PDZRN3: variants seen among roughly 807,000 people sequenced by gnomAD.
PDZRN3 encodes the protein E3 ubiquitin-protein ligase PDZRN3.
In PDZRN3, 38 loss-of-function variants were observed where a neutral mutation model predicts 85.7. The ratio of observed to expected loss-of-function variants is 0.44; its 90% CI spans 0.34 to 0.58. The LOEUF (loss-of-function observed/expected upper bound fraction) is 0.58, where lower values mean the gene tolerates loss of function less well. Ranked by LOEUF, PDZRN3 falls within the 20% of genes least tolerant of loss-of-function variation. PDZRN3 has a pLI of 0.01. For synonymous variants in PDZRN3, 759 were observed against 638.0 expected (o/e 1.19, Z -2.86); for missense variants, 1,629 against 1,506.4 (o/e 1.08, Z -1.35).
chr3:73,554,670 AAG>A (rs1187552326), intron 3 of PDZRN3, among the ~76,000 whole-genome samples: 1 of 152,216 alleles, frequency 6.6e-6, no homozygotes, highest in Non-Finnish European at 1.5e-5. Context: ...ACATAAAGGT[AAG>A]AGAAAAAAAA....
intron 3 of PDZRN3, chr3:73,474,506 C>A: frequency 7.8e-7 from 1 of 1,288,690 alleles, no homozygotes; most frequent in African/African-American, 1.5e-5. Flanking sequence ...ATTTACTGAA[C>A]AATAAGATCA....
At chr3:73,508,529 G>A (rs567191728) in intron 3 of PDZRN3, among the ~76,000 whole-genome samples, 1 of 152,254 alleles carries the variant, frequency 6.6e-6, no homozygotes, top group African/African-American at 2.4e-5. Flanking sequence ...AGCTCCTCGG[G>A]CAGGAGACTA....
At position 73,387,930 on chromosome 3, in the gene PDZRN3, A is replaced by G. The variant is rs1355049361; in HGVS notation, c.1518+38T>C. Reference sequence around the variant, plus strand: ...GGCCTGGGGATCTTTTGATTTTAGAAATATAGACCCAGTTTCATCTGTAGG... The same window carrying G: ...GGCCTGGGGATCTTTTGATTTTAGAGATATAGACCCAGTTTCATCTGTAGG... On this transcript the variant is annotated intron_variant, in intron 8 of 9. Coordinates refer to ENST00000263666, the MANE Select transcript of PDZRN3 (RefSeq NM_015009.3). The G allele has an allele frequency of 1.0e-5, 10 of 972,544 alleles. No homozygotes were observed. The Admixed American group carries it at 1.9e-4, about 19-fold the overall frequency. The allele number at this position is 972,544 out of a possible 1,614,324, so 60.2% of individuals were successfully genotyped here.
intron 3 of PDZRN3, among the ~76,000 whole-genome samples, chr3:73,520,083 GA>G (rs1449307746): frequency 1.3e-5 from 2 of 152,308 alleles, no homozygotes; most frequent in East Asian, 3.9e-4. Flanking sequence ...GCAGGCAGAT[GA>G]CATCATCAGG....
intron 3 of PDZRN3, among the ~76,000 whole-genome samples, chr3:73,467,805 A>C (rs1450723363): frequency 2.6e-5 from 4 of 152,210 alleles, no homozygotes; most frequent in Admixed American, 2.6e-4. Flanking sequence ...GAATGTTTTC[A>C]TGGAAAATAT....
At chr3:73,472,095 C>G (rs939862843) in intron 3 of PDZRN3, among the ~76,000 whole-genome samples, 1 of 152,046 alleles carries the variant, frequency 6.6e-6, no homozygotes, top group Non-Finnish European at 1.5e-5. Flanking sequence ...TTAAAAAGTT[C>G]ACATCTGGTG....
chr3:73,598,089 C>T (rs1275275071), intron 3 of PDZRN3, among the ~76,000 whole-genome samples: 1 of 151,962 alleles, frequency 6.6e-6, no homozygotes, highest in Non-Finnish European at 1.5e-5. Context: ...TAAGATTGGC[C>T]TAAAGTAGAC....
intron 4 of PDZRN3, 21 bp downstream of exon 4, chr3:73,404,127 G>T (rs1299608960): frequency 6.2e-7 from 1 of 1,608,106 alleles, no homozygotes; most frequent in African/African-American, 1.3e-5. Context: ...TGCATTAGGG[G>T]TTCAAGATTA....
At chr3:73,428,818 G>T (rs1487915755) in intron 3 of PDZRN3, among the ~76,000 whole-genome samples, 1 of 151,988 alleles carries the variant, frequency 6.6e-6, no homozygotes, top group African/African-American at 2.4e-5. Flanking sequence ...ATTAAAAAGT[G>T]ACTTTCTCAG....
At chr3:73,520,702 G>A (rs981771275) in intron 3 of PDZRN3, among the ~76,000 whole-genome samples, 2 of 151,856 alleles carry the variant, frequency 1.3e-5, no homozygotes, top group African/African-American at 4.8e-5. Flanking sequence ...ACACACACAA[G>A]CACACACACA....
chr3:73,469,379 T>A (rs1703288617), intron 3 of PDZRN3, among the ~76,000 whole-genome samples: 1 of 152,228 alleles, frequency 6.6e-6, no homozygotes, highest in Non-Finnish European at 1.5e-5. Flanking sequence ...TCATGATTCA[T>A]CTCTTTAATA....
At chr3:73,522,164 C>T (rs564608310) in intron 3 of PDZRN3, among the ~76,000 whole-genome samples, 29 of 152,136 alleles carry the variant, frequency 1.9e-4, no homozygotes, top group Non-Finnish European at 3.1e-4. Flanking sequence ...TGAGTAGTTC[C>T]GACAGAGACA....
intron 3 of PDZRN3, chr3:73,561,493 A>C (rs567387773): frequency 1.3e-5 from 2 of 152,220 alleles, no homozygotes; most frequent in South Asian, 4.1e-4. Context: ...GCTTCCAGGG[A>C]TGTTGTTTCT....
In PDZRN3 at chr3:73,413,234, C is replaced by T. The variant is rs537867742; in HGVS notation, c.919-8839G>A. Among the ~76,000 whole-genome samples, 20 of 152,244 alleles carry T rather than the reference C, an allele frequency of 1.3e-4. No individual in the cohort carries two copies. In the South Asian group the frequency reaches 3.3e-3, roughly 25 times the overall value. On this transcript the variant is annotated intron_variant, in intron 3 of 9. Transcript: ENST00000263666. ...CCTGGCTCATAGCACACTCAGTAAACGCTATCTTTTTCGGGAAATACTAGC... is the reference window on the plus strand; with the variant it reads ...CCTGGCTCATAGCACACTCAGTAAATGCTATCTTTTTCGGGAAATACTAGC...
Position 73,624,127 on chromosome 3 carries a change from G to A in PDZRN3, c.699C>T (p.Cys233=), listed in dbSNP as rs1008789949. The change falls in exon 1 of 10, where the codon TGC becomes TGT. Residue 233 remains cysteine, a synonymous_variant. Coordinates refer to ENST00000263666, the MANE Select transcript of PDZRN3 (RefSeq NM_015009.3). ...CCTTGCCGCCGGGCGGCGCGGCCAC[G>A]CAGCGGCTGAGCGAGTCGAGGCGCG... ...YSARLDSLSR[C]VAAPPGGKGE... 6.8e-7 allele frequency: 1 copy of A among 1,474,252 alleles called. No homozygotes were observed. Among genetic ancestry groups the A allele is most frequent in the Non-Finnish European group, 8.9e-7 (1 of 1,119,762 alleles). The allele number at this position is 1,474,252 out of a possible 1,614,324, so 91.3% of individuals were successfully genotyped here. A position where few individuals can be genotyped will look rare whatever the true frequency, so the allele number is the denominator to read the frequency against.
chr3:73,444,684 G>A (rs997464541), intron 3 of PDZRN3, among the ~76,000 whole-genome samples: 3 of 152,188 alleles, frequency 2.0e-5, no homozygotes, highest in Non-Finnish European at 4.4e-5. Context: ...TGTAGAGAGT[G>A]GAGGTAGTGG....
At chr3:73,427,626 T>C (rs752977966) in intron 3 of PDZRN3, among the ~76,000 whole-genome samples, 1 of 152,338 alleles carries the variant, frequency 6.6e-6, no homozygotes. Flanking sequence ...ATCTGCCTCA[T>C]GGCAACGTGC....
Position 73,384,701 on chromosome 3 carries a change from T to A in PDZRN3, c.1865A>T (p.Asn622Ile). 1.2e-6 allele frequency: 2 copies of A among 1,614,074 alleles called. No individual in the cohort carries two copies. Among genetic ancestry groups the A allele is most frequent in the Non-Finnish European group, 1.7e-6 (2 of 1,180,024 alleles). The change falls in exon 10 of 10, where the codon AAC becomes ATC. Residue 622 changes from asparagine to isoleucine, a missense_variant. Physicochemically the swap from Asn to Ile is moderately radical, Grantham distance 149 (BLOSUM62 -3). Transcript: ENST00000263666. The stretch of plus-strand genomic sequence containing the variant: ...GCAGTCGGCCGAAATGAAAGACTCG[T>A]TGCTGAAGGGCAGGTCGCCGCTGCC... ...TLGSGDLPFS[N>I]ESFISADCTD...
intron 3 of PDZRN3, among the ~76,000 whole-genome samples, chr3:73,536,897 A>T (rs1003427127): frequency 1.3e-5 from 2 of 152,142 alleles, no homozygotes; most frequent in Non-Finnish European, 2.9e-5. Context: ...TTTCTCCTGT[A>T]TTGCAAGAGT....
Sources: gnomAD v4.1 joint callset for allele counts (sites outside exome capture counted in the v4.1 genomes callset) on GRCh38, gnomAD v4.1.1 for gene constraint, MANE v1.5 for transcripts, NCBI Gene and HGNC (gene_info 2026-07-23, HGNC 2026-07-21) for gene names.